TRIO: variants seen among roughly 807,000 people sequenced by gnomAD.
TRIO encodes triple functional domain protein.
A neutral mutation model predicts 351.9 loss-of-function variants in TRIO; 58 were observed. That is an observed-to-expected ratio of 0.16 (90% CI 0.13 to 0.21). The LOEUF (loss-of-function observed/expected upper bound fraction) is 0.21, where lower values mean the gene tolerates loss of function less well. Among genes scored for constraint, TRIO ranks in the 10% least tolerant of loss-of-function variants. The pLI is 1.00. For missense variants in TRIO, 3,201 were observed against 4,027.8 expected (o/e 0.79, Z 5.56); for synonymous variants, 1,758 against 1,595.7 (o/e 1.10, Z -2.42).
chr5:14,148,423 T>TA (rs1442394798), intron 1 of TRIO, among the ~76,000 whole-genome samples: 1 of 152,224 alleles, frequency 6.6e-6, no homozygotes, highest in African/African-American at 2.4e-5. Flanking sequence ...AATAAAATTT[T>TA]ATCTCATAAC....
chr5:14,452,889 TA>T (rs199654149), intron 34 of TRIO, among the ~76,000 whole-genome samples: 2 of 151,822 alleles, frequency 1.3e-5, no homozygotes, highest in African/African-American at 2.4e-5. Context: ...CTCCTTTTTT[TA>T]AAAAAAACTT....
At chr5:14,183,690 G>A (rs183025040) in intron 1 of TRIO, 1 of 358,866 alleles carries the variant, frequency 2.8e-6, no homozygotes, top group Admixed American at 4.1e-5. Flanking sequence ...TTCAGACTTG[G>A]ATCAAAAACT....
chr5:14,308,312 TCACCCAAC>T (rs748069581), intron 8 of TRIO, among the ~76,000 whole-genome samples: 1 of 135,200 alleles, frequency 7.4e-6, no homozygotes, highest in African/African-American at 3.3e-5. Flanking sequence ...ATCTACCCAA[TCACCCAAC>T]CACCCATCCA....
At chr5:14,408,295 T>C (rs1342626659) in intron 33 of TRIO, among the ~76,000 whole-genome samples, 1 of 152,246 alleles carries the variant, frequency 6.6e-6, no homozygotes, top group African/African-American at 2.4e-5. Flanking sequence ...GCTGCAGTGA[T>C]TCCATTTTCA....
intron 1 of TRIO, among the ~76,000 whole-genome samples, chr5:14,221,160 G>A (rs1735460946): frequency 1.3e-5 from 2 of 152,168 alleles, no homozygotes; most frequent in African/African-American, 2.4e-5. Context: ...CTGGATGATA[G>A]CCCATCTGTT....
At chr5:14,359,607 C>G in intron 13 of TRIO, 76 bp downstream of exon 13, 1 of 1,532,904 alleles carries the variant, frequency 6.5e-7, no homozygotes. Flanking sequence ...GCCCTCTTGT[C>G]TCTGCCCTGC....
chr5:14,176,603 G>A (rs1007300592), intron 1 of TRIO, among the ~76,000 whole-genome samples: 1 of 152,256 alleles, frequency 6.6e-6, no homozygotes, highest in East Asian at 1.9e-4. Context: ...GCAGCCGTGT[G>A]CCACCACACC....
At chr5:14,420,162 G>C in intron 34 of TRIO, 141 bp downstream of exon 34, 1 of 1,281,800 alleles carries the variant, frequency 7.8e-7, no homozygotes. Context: ...TGACTGTCCG[G>C]GCATTTCCAG....
At chr5:14,395,665 G>A (rs1747495996) in intron 28 of TRIO, among the ~76,000 whole-genome samples, 1 of 152,190 alleles carries the variant, frequency 6.6e-6, no homozygotes, top group Non-Finnish European at 1.5e-5. Flanking sequence ...GTAACCACTG[G>A]GAGACCAGTG....
chr5:14,419,747 G>T, intron 33 of TRIO, 31 bp from the exon 34 acceptor site: 1 of 1,610,676 alleles, frequency 6.2e-7, no homozygotes, highest in South Asian at 1.1e-5. Context: ...CACACTGGCT[G>T]ACCTGTCCTC....
intron 20 of TRIO, among the ~76,000 whole-genome samples, chr5:14,379,168 T>C (rs30771): frequency 0.85 from 128,902 of 152,002 alleles, 54,848 homozygotes; most frequent in African/African-American, 0.87. Context: ...CTGGTCTGGG[T>C]GCCTTAAAGT....
chr5:14,335,690 C>CA (rs1204837618), intron 10 of TRIO, among the ~76,000 whole-genome samples: 1 of 152,188 alleles, frequency 6.6e-6, no homozygotes, highest in African/African-American at 2.4e-5. Flanking sequence ...TGTGGCCAGG[C>CA]AAAGTGGTTC....
chr5:14,487,491 G>A lies in TRIO; in HGVS notation c.6863G>A (p.Arg2288Lys). Reference sequence around the variant, plus strand: ...TTGACATCGCCAATCGAGTACCAGAGGAACCACAGCGGGGGCGGCGGCGGC... The same window carrying A: ...TTGACATCGCCAATCGAGTACCAGAAGAACCACAGCGGGGGCGGCGGCGGC... ...NALTSPIEYQ[R>K]NHSGGGGGGG... is the part of the protein sequence containing the mutation. Residue 2288 changes from arginine (R) to lysine (K), a missense_variant, in exon 48 of 57, where the codon AGG (arginine) becomes AAG (lysine). Arg to Lys is a conservative substitution (Grantham distance 26). Transcript: ENST00000344204. The A allele has an allele frequency of 3.7e-6, 4 of 1,094,686 alleles. No homozygotes were observed. The highest frequency in any genetic ancestry group is 4.5e-6 in the Non-Finnish European group (4 of 883,028). The allele number at this position is 1,094,686 out of a possible 1,614,324, so 67.8% of individuals were successfully genotyped here. A position where few individuals can be genotyped will look rare whatever the true frequency, so the allele number is the denominator to read the frequency against.
At chr5:14,461,570 GCCCCAGGCCCAGTCAGC>G (rs1399323027) in intron 35 of TRIO, among the ~76,000 whole-genome samples, 4 of 152,092 alleles carry the variant, frequency 2.6e-5, no homozygotes, top group South Asian at 2.1e-4. Context: ...ATCACCATGC[GCCCCAGGCCCAGTCAGC>G]CCCCAGGCCT....
At chr5:14,322,573 C>T (rs544409532) in intron 9 of TRIO, among the ~76,000 whole-genome samples, 1 of 152,184 alleles carries the variant, frequency 6.6e-6, no homozygotes, top group Non-Finnish European at 1.5e-5. Context: ...ATTTCTTCGG[C>T]CTGCAAAAGC....
chr5:14,318,279 CAAAAAAAA>C lies in TRIO; in HGVS notation c.1731+1555_1731+1562del, dbSNP rs759632595. Among the ~76,000 whole-genome samples, 75 of 46,514 alleles carry C rather than the reference CAAAAAAAA, an allele frequency of 1.6e-3. 1 individual carries two copies. Among genetic ancestry groups the C allele is most frequent in the African/African-American group, 4.5e-3 (57 of 12,530 alleles). The allele number at this position is 46,514 out of a possible 152,430, so 30.5% of individuals were successfully genotyped here. Reference sequence around the variant, plus strand: ...ATTGCACTCCAGCAAGACTCTATCTCAAAAAAAAAAAAAAAAAAAAAAAAAATTAGCCT... The same window carrying C: ...ATTGCACTCCAGCAAGACTCTATCTCAAAAAAAAAAAAAAAAAATTAGCCT... On this transcript the variant is annotated intron_variant, in intron 9 of 56. Coordinates refer to ENST00000344204, the MANE Select transcript of TRIO (RefSeq NM_007118.4).
At chr5:14,239,113 A>G (rs897319512) in intron 1 of TRIO, among the ~76,000 whole-genome samples, 1 of 152,230 alleles carries the variant, frequency 6.6e-6, no homozygotes, top group Non-Finnish European at 1.5e-5. Flanking sequence ...TATGTAGTCA[A>G]CAGAGTTCAG....
intron 4 of TRIO, 56 bp from the exon 5 acceptor site, chr5:14,290,660 G>A (rs1259794744): frequency 1.3e-6 from 2 of 1,517,588 alleles, no homozygotes; most frequent in East Asian, 4.5e-5. Context: ...ATTGCATTAT[G>A]TTAAAACTAT....
intron 48 of TRIO, chr5:14,489,103 T>A (rs777924835): frequency 2.7e-6 from 2 of 751,658 alleles, no homozygotes; most frequent in Admixed American, 3.5e-5. Context: ...TGAGTGTATG[T>A]TTGAACGCTT....
Sources: gnomAD v4.1 joint callset for allele counts (sites outside exome capture counted in the v4.1 genomes callset) on GRCh38, gnomAD v4.1.1 for gene constraint, MANE v1.5 for transcripts, NCBI Gene and HGNC (gene_info 2026-07-23, HGNC 2026-07-21) for gene names.